TMCO5A: variants seen among roughly 807,000 people sequenced by gnomAD.
The protein encoded by TMCO5A is transmembrane and coiled-coil domain-containing protein 5A.
TMCO5A carries 34 observed loss-of-function variants against 42.3 expected under a neutral mutation model. That is an observed-to-expected ratio of 0.80 (90% CI 0.61 to 1.07). TMCO5A has a LOEUF of 1.07. Ranked by LOEUF, TMCO5A falls within the 50% of genes least tolerant of loss-of-function variation. TMCO5A has a pLI of 0.00. For missense variants in TMCO5A, 357 were observed against 327.9 expected (o/e 1.09, Z -0.69); for synonymous variants, 131 against 115.6 (o/e 1.13, Z -0.86).
At chr15:37,993,397 T>A in the TMCO5A span, 1 of 152,140 alleles carries the variant, frequency 6.6e-6, no homozygotes, top group South Asian at 2.1e-4. Flanking sequence ...TTTTGATTGT[T>A]ATAGACTGTC....
chr15:37,959,639 C>A (rs1890372977), intron 11 of TMCO5A, among the ~76,000 whole-genome samples: 1 of 151,994 alleles, frequency 6.6e-6, no homozygotes, highest in East Asian at 1.9e-4. Context: ...TTCAACAATG[C>A]TTCATGATAA....
intron 10 of TMCO5A, among the ~76,000 whole-genome samples, chr15:37,944,870 T>C (rs748044119): frequency 3.3e-5 from 5 of 152,102 alleles, no homozygotes; most frequent in African/African-American, 7.2e-5. Flanking sequence ...GATTTTTTTT[T>C]CTTCAACTTT....
the TMCO5A span, chr15:38,020,106 C>G: frequency 6.6e-6 from 1 of 152,150 alleles, no homozygotes; most frequent in Non-Finnish European, 1.5e-5. Flanking sequence ...GATCCTCCCA[C>G]CTCAGCCTCT....
chr15:37,982,012 A>G, the TMCO5A span, among the ~76,000 whole-genome samples: 1 of 152,236 alleles, frequency 6.6e-6, no homozygotes, highest in Admixed American at 6.5e-5. Context: ...TGACACTTGC[A>G]AGATCTCTTC....
downstream of TMCO5A, among the ~76,000 whole-genome samples, chr15:37,952,821 G>A (rs945095556): frequency 6.6e-6 from 1 of 152,214 alleles, no homozygotes; most frequent in Non-Finnish European, 1.5e-5. Flanking sequence ...GGCAAGAGGG[G>A]ATCCCACTGC....
chr15:37,979,828 G>A, the TMCO5A span, among the ~76,000 whole-genome samples: 1 of 152,212 alleles, frequency 6.6e-6, no homozygotes, highest in Non-Finnish European at 1.5e-5. Flanking sequence ...CCCCAGGAGG[G>A]GTGAGATGGC....
the TMCO5A span, among the ~76,000 whole-genome samples, chr15:38,028,588 A>C: frequency 6.6e-6 from 1 of 152,184 alleles, no homozygotes; most frequent in Non-Finnish European, 1.5e-5. Context: ...AAATGTCTCA[A>C]ACACAAATAT....
chr15:38,028,973 A>G, the TMCO5A span, among the ~76,000 whole-genome samples: 1 of 152,202 alleles, frequency 6.6e-6, no homozygotes, highest in Non-Finnish European at 1.5e-5. Flanking sequence ...TGAAGACCCA[A>G]CTTTGAGTCT....
chr15:37,985,566 TTC>T, the TMCO5A span, among the ~76,000 whole-genome samples: 3 of 152,186 alleles, frequency 2.0e-5, no homozygotes, highest in Non-Finnish European at 2.9e-5. Context: ...AAACAAAATT[TTC>T]TGTTTATTCT....
the TMCO5A span, among the ~76,000 whole-genome samples, chr15:38,005,264 GAAAA>G: frequency 1.3e-4 from 12 of 89,314 alleles, no homozygotes; most frequent in African/African-American, 3.3e-4. Context: ...GTACTTGACA[GAAAA>G]AAAAAAAAAA....
the TMCO5A span, among the ~76,000 whole-genome samples, chr15:38,005,855 T>G: frequency 6.6e-6 from 1 of 152,220 alleles, no homozygotes; most frequent in Non-Finnish European, 1.5e-5. Context: ...GGATGCAGCC[T>G]TAAGTACTTT....
the TMCO5A span, among the ~76,000 whole-genome samples, chr15:37,981,071 C>T: frequency 2.6e-5 from 4 of 152,012 alleles, no homozygotes; most frequent in African/African-American, 4.8e-5. Flanking sequence ...AAATCCATAA[C>T]ATTTTCCCTT....
rs531037854 is a variant in TMCO5A, at chr15:37,959,064, A to C, written c.669-7561A>C. 3.3e-3 allele frequency among the ~76,000 whole-genome samples: 500 copies of C among 152,176 alleles called. 1 individual carries two copies. Among genetic ancestry groups the C allele is most frequent in the Non-Finnish European group, 5.8e-3 (394 of 68,018 alleles). ...TGTTCTCACTCATAAGTGGGAGTTG[A>C]ACAAGAGAACACATGGACACAGAGG... On this transcript the variant is annotated intron_variant, in intron 11 of 11. Transcript: ENST00000559502.
chr15:38,008,044 T>A, the TMCO5A span, among the ~76,000 whole-genome samples: 3 of 151,670 alleles, frequency 2.0e-5, no homozygotes, highest in Non-Finnish European at 4.4e-5. Context: ...TACAGGCGCC[T>A]GCCACCACGC....
chr15:37,974,282 T>C, the TMCO5A span, among the ~76,000 whole-genome samples: 1 of 152,192 alleles, frequency 6.6e-6, no homozygotes, highest in Non-Finnish European at 1.5e-5. Flanking sequence ...ATAGAATGAG[T>C]TAGGGAGGAG....
downstream of TMCO5A, among the ~76,000 whole-genome samples, chr15:37,972,385 T>C (rs917599593): frequency 2.6e-5 from 4 of 152,170 alleles, no homozygotes; most frequent in Non-Finnish European, 5.9e-5. Context: ...AGCCAAACCA[T>C]ATCACAGTCC....
At chr15:38,006,140 C>T in the TMCO5A span, among the ~76,000 whole-genome samples, 7 of 152,302 alleles carry the variant, frequency 4.6e-5, no homozygotes, top group African/African-American at 1.7e-4. Flanking sequence ...CACAGCACAC[C>T]ATGCAAGGCC....
the TMCO5A span, among the ~76,000 whole-genome samples, chr15:38,009,558 C>G: frequency 6.6e-6 from 1 of 152,146 alleles, no homozygotes; most frequent in Non-Finnish European, 1.5e-5. Context: ...CTAAAGATAC[C>G]AAAAGTCACA....
the TMCO5A span, among the ~76,000 whole-genome samples, chr15:37,975,468 T>G: frequency 6.9e-6 from 1 of 145,736 alleles, no homozygotes; most frequent in East Asian, 1.9e-4. Flanking sequence ...CTTGTTGAAT[T>G]AAACTCTTTA....
Sources: gnomAD v4.1 joint callset for allele counts (sites outside exome capture counted in the v4.1 genomes callset) on GRCh38, gnomAD v4.1.1 for gene constraint, MANE v1.5 for transcripts, NCBI Gene and HGNC (gene_info 2026-07-23, HGNC 2026-07-21) for gene names.